Variants in DLL4 observed in about 807,000 individuals in gnomAD.
The protein encoded by DLL4 is delta-like protein 4.
In DLL4, 7 loss-of-function variants were observed where a neutral mutation model predicts 73.6. The ratio of observed to expected loss-of-function variants is 0.10; its 90% CI spans 0.05 to 0.18. The LOEUF (loss-of-function observed/expected upper bound fraction) is 0.18. Among genes scored for constraint, DLL4 ranks in the 10% least tolerant of loss-of-function variants. The probability of loss-of-function intolerance (pLI) is 1.00; values close to 1 mark genes in which losing one functional copy is unlikely to be tolerated. For missense variants in DLL4, 614 were observed against 929.9 expected, an observed-to-expected ratio of 0.66 and a Z score of 4.42; for synonymous variants, 345 against 374.3, an observed-to-expected ratio of 0.92 and a Z score of 0.90.
At chr15:40,935,802 G>A (rs549413434) in intron 8 of DLL4, among the ~76,000 whole-genome samples, 1 of 152,262 alleles carries the variant, frequency 6.6e-6, no homozygotes, top group Admixed American at 6.5e-5. Context: ...GTACTTATCC[G>A]AGCATTAACT....
rs1410836999 is a variant in DLL4, at chr15:40,932,152, C to G, written c.659-19C>G. 1 of 1,613,896 alleles carries G rather than the reference C, an allele frequency of 6.2e-7. No homozygotes were observed. Among genetic ancestry groups the G allele is most frequent in the African/African-American group, 1.3e-5 (1 of 74,940 alleles). On this transcript the variant is annotated intron_variant, in intron 4 of 10. Coordinates refer to ENST00000249749, the MANE Select transcript of DLL4 (RefSeq NM_019074.4). Reference sequence around the variant, plus strand: ...TCCTTGGTATCCCAGCCTCACCCAGCTCTGTGTTCTTCCCTTAGCTATCTG... The same window carrying G: ...TCCTTGGTATCCCAGCCTCACCCAGGTCTGTGTTCTTCCCTTAGCTATCTG...
Position 40,938,329 on chromosome 15 carries a change from C to T in DLL4, c.*295C>T, listed in dbSNP as rs557060091. 6.6e-5 allele frequency: 21 copies of T among 315,856 alleles called. No individual in the cohort carries two copies. Among genetic ancestry groups the T allele is most frequent in the Middle Eastern group, 8.5e-4 (1 of 1,178 alleles). 19.6% of individuals were successfully genotyped at this position (315,856 alleles called of 1,614,324 possible). A position where few individuals can be genotyped will look rare whatever the true frequency, so the allele number is the denominator to read the frequency against. On this transcript the variant is annotated 3_prime_UTR_variant, in exon 11 of 11. Coordinates refer to ENST00000249749, the MANE Select transcript of DLL4 (RefSeq NM_019074.4). ...AGTAGTGGCCTTCAGGGGGCTCCTTCCGGGGCTCCGGCCTGTTTTCCAGAG... is the reference window on the plus strand; with the variant it reads ...AGTAGTGGCCTTCAGGGGGCTCCTTTCGGGGCTCCGGCCTGTTTTCCAGAG...
chr15:40,929,645 G>A lies in DLL4; in HGVS notation c.-24G>A, dbSNP rs759589482. ...ACAGAGCCAGATTGAGGGCCCGCGG[G>A]TGGAGAGAGCGACGCCCGAGGGGAT... On this transcript the variant is annotated 5_prime_UTR_variant, in exon 1 of 11. In the 5' UTR this introduces an upstream ATG that the reference lacks. Transcript: ENST00000249749. This position sits in a 1 kb window ranked among gnomAD's most constrained non-coding sequence, Gnocchi z 7.1. 17 of 1,514,594 alleles carry A rather than the reference G, an allele frequency of 1.1e-5. No individual in the cohort carries two copies. Among genetic ancestry groups the A allele is most frequent in the Non-Finnish European group, 1.2e-5 (14 of 1,141,572 alleles). 93.8% of individuals were successfully genotyped at this position (1,514,594 alleles called of 1,614,324 possible). A position where few individuals can be genotyped will look rare whatever the true frequency, so the allele number is the denominator to read the frequency against.
rs373338394 is a variant in DLL4, at chr15:40,936,257, C to A, written c.1270C>A (p.Arg424Ser). The change falls in exon 9 of 11, where the codon CGC (arginine) becomes AGC (serine). Residue 424 changes from arginine to serine, a missense_variant. Physicochemically the swap from Arg to Ser is moderately radical, Grantham distance 110. Transcript: ENST00000249749. ...GGQCLNRGPS[R>S]MCRCRPGFTG... ...ACAGTGCCTGAACCGAGGTCCAAGC[C>A]GCATGTGCCGCTGCCGTCCTGGATT... 183 of 1,604,186 alleles carry A rather than the reference C, an allele frequency of 1.1e-4. No homozygotes were observed. Among genetic ancestry groups the A allele is most frequent in the Non-Finnish European group, 1.4e-4 (159 of 1,176,696 alleles).
rs1304419686 is a variant in DLL4 at position 40,930,732 on chromosome 15, A to G, written c.394+50A>G. The G allele has an allele frequency of 1.5e-5, 24 of 1,585,326 alleles. No homozygotes were observed. Among genetic ancestry groups the G allele is most frequent in the Non-Finnish European group, 2.0e-5 (23 of 1,156,200 alleles). On this transcript the variant is annotated intron_variant, in intron 3 of 10. Transcript: ENST00000249749. The surrounding 1 kb of genome is among the most constrained non-coding windows in gnomAD (Gnocchi z 5.7). ...AGGGGGGCGACACGGCGCAGCGCCG[A>G]AAGAGTTAATCTGTTCTAGGCGGGG... is the stretch of plus-strand genomic sequence containing the variant.
At chr15:40,935,824 A>T (rs770661882) in intron 8 of DLL4, among the ~76,000 whole-genome samples, 6 of 152,190 alleles carry the variant, frequency 3.9e-5, no homozygotes, top group Non-Finnish European at 7.4e-5. Flanking sequence ...TATACCAAAC[A>T]TGGGCTCTTG....
rs1892780576 is a variant in DLL4, at chr15:40,932,218, C to T, written c.706C>T (p.Pro236Ser). The change falls in exon 5 of 11, where the codon CCA becomes TCA. Residue 236 changes from proline to serine, a missense_variant. Physicochemically the swap from Pro to Ser is moderately conservative, Grantham distance 74. This residue lies in a region of DLL4 where 227 missense variants were observed against 370.8 expected (regional missense o/e 0.61). Coordinates refer to ENST00000249749, the MANE Select transcript of DLL4 (RefSeq NM_019074.4). ...TGAACAGAATGGCTACTGCAGCAAGCCAGCAGAGTGCCTGTGAGTAGGGGA... is the reference window on the plus strand; with the variant it reads ...TGAACAGAATGGCTACTGCAGCAAGTCAGCAGAGTGCCTGTGAGTAGGGGA... Reference protein sequence around the residue: ...CHEQNGYCSKPAECLCRPGWQ... With the variant: ...CHEQNGYCSKSAECLCRPGWQ... The T allele has an allele frequency of 6.2e-7, 1 of 1,613,936 alleles. No individual in the cohort carries two copies. Among genetic ancestry groups the T allele is most frequent in the Non-Finnish European group, 8.5e-7 (1 of 1,179,910 alleles).
chr15:40,931,249 A>G, intron 3 of DLL4: 1 of 549,686 alleles, frequency 1.8e-6, no homozygotes, highest in South Asian at 2.4e-5. Flanking sequence ...ACCCTGGGAT[A>G]TCTTAACATC....
rs1180510183 is a variant in DLL4 at position 40,938,118 on chromosome 15, C to T, written c.*84C>T. On this transcript the variant is annotated 3_prime_UTR_variant, in exon 11 of 11. Coordinates refer to ENST00000249749, the MANE Select transcript of DLL4 (RefSeq NM_019074.4). The stretch of plus-strand genomic sequence containing the variant: ...TGTTTACATTGCATCCTGGATGGGA[C>T]GTTTTTCATATGCAACGTGCTGCTC... 9 of 1,404,422 alleles carry T rather than the reference C, an allele frequency of 6.4e-6. No individual in the cohort carries two copies. The highest frequency in any genetic ancestry group is 1.5e-5 in the South Asian group (1 of 65,008). The allele number at this position is 1,404,422 out of a possible 1,614,324, so 87.0% of individuals were successfully genotyped here.
Position 40,934,570 on chromosome 15 carries a change from C to T in DLL4, c.873C>T (p.His291=). ...CDQDLNYCTH[H]SPCKNGATCS... is the part of the protein sequence containing the mutation. Reference sequence around the variant, plus strand: ...CAGATCTCAACTACTGCACCCACCACTCCCCATGCAAGAATGGGGCAACGT... The same window carrying T: ...CAGATCTCAACTACTGCACCCACCATTCCCCATGCAAGAATGGGGCAACGT... The change falls in exon 7 of 11, where the codon CAC becomes CAT. Residue 291 remains histidine, a synonymous_variant. Coordinates refer to ENST00000249749, the MANE Select transcript of DLL4 (RefSeq NM_019074.4). 1 of 1,613,886 alleles carries T rather than the reference C, an allele frequency of 6.2e-7. No individual in the cohort carries two copies. Among genetic ancestry groups the T allele is most frequent in the East Asian group, 2.2e-5 (1 of 44,868 alleles).
intron 10 of DLL4, among the ~76,000 whole-genome samples, chr15:40,937,797 C>A (rs2140372211): frequency 6.6e-6 from 1 of 152,274 alleles, no homozygotes; most frequent in Admixed American, 6.5e-5. Flanking sequence ...GGTGAGGGGG[C>A]CCCTCACCCC....
At chr15:40,935,140 C>G in intron 8 of DLL4, 23 bp downstream of exon 8, 1 of 1,600,358 alleles carries the variant, frequency 6.2e-7, no homozygotes, top group Admixed American at 1.7e-5. Context: ...GCCCTGCTAA[C>G]CTGGTGGACT....
Position 40,929,663 on chromosome 15 carries a change from G to C in DLL4, c.-6G>C, listed in dbSNP as rs1892735071. ...CCCGCGGGTGGAGAGAGCGACGCCC[G>C]AGGGGATGGCGGCAGCGTCCCGGAG... On this transcript the variant is annotated 5_prime_UTR_variant, in exon 1 of 11. Coordinates refer to ENST00000249749, the MANE Select transcript of DLL4 (RefSeq NM_019074.4). This position sits in a 1 kb window ranked among gnomAD's most constrained non-coding sequence, Gnocchi z 7.1. 1.3e-6 allele frequency: 2 copies of C among 1,539,708 alleles called. No homozygotes were observed. Among genetic ancestry groups the C allele is most frequent in the Non-Finnish European group, 1.7e-6 (2 of 1,153,468 alleles).
rs768740540 is a variant in DLL4, at chr15:40,930,722, C to G, written c.394+40C>G. ...CCGCCACCACAGGGGGGCGACACGG[C>G]GCAGCGCCGAAAGAGTTAATCTGTT... On this transcript the variant is annotated intron_variant, in intron 3 of 10. Transcript: ENST00000249749. The surrounding 1 kb of genome is among the most constrained non-coding windows in gnomAD (Gnocchi z 5.7). 4 of 1,597,426 alleles carry G rather than the reference C, an allele frequency of 2.5e-6. No homozygotes were observed. Among genetic ancestry groups the G allele is most frequent in the Non-Finnish European group, 3.4e-6 (4 of 1,166,168 alleles).
intron 3 of DLL4, chr15:40,931,050 G>C (rs1892762746): frequency 5.0e-6 from 2 of 397,262 alleles, no homozygotes; most frequent in Non-Finnish European, 4.5e-6. Context: ...TATTTCAGCA[G>C]CACAACAATT....
At chr15:40,937,340 C>G (rs746550973) in intron 9 of DLL4, 78 bp from the exon 10 acceptor site, 1 of 1,011,290 alleles carries the variant, frequency 9.9e-7, no homozygotes, top group Non-Finnish European at 1.6e-6. Context: ...TGCAGATGCC[C>G]TTTGGCTCTC....
Position 40,929,591 on chromosome 15 carries a change from G to A in DLL4, c.-78G>A. ...CCTCTTTTCAGGGACCCCGCCGGCT[G>A]GCGGACGCGCGGGAAAGCGGCGTCG... On this transcript the variant is annotated 5_prime_UTR_variant, in exon 1 of 11. Transcript: ENST00000249749. This position sits in a 1 kb window ranked among gnomAD's most constrained non-coding sequence, Gnocchi z 7.1. 7.4e-7 allele frequency: 1 copy of A among 1,354,568 alleles called. No homozygotes were observed. Among genetic ancestry groups the A allele is most frequent in the Non-Finnish European group, 9.8e-7 (1 of 1,025,040 alleles). The allele number at this position is 1,354,568 out of a possible 1,614,324, so 83.9% of individuals were successfully genotyped here.
intron 6 of DLL4, among the ~76,000 whole-genome samples, chr15:40,933,143 G>A (rs1274644966): frequency 1.3e-5 from 2 of 152,246 alleles, no homozygotes; most frequent in East Asian, 1.9e-4. Context: ...TCAAATGGGT[G>A]CACCTGCTGC....
At chr15:40,934,257 C>T (rs539450353) in intron 6 of DLL4, among the ~76,000 whole-genome samples, 7 of 143,868 alleles carry the variant, frequency 4.9e-5, no homozygotes, top group South Asian at 4.4e-4. Context: ...ACCCGGAAGG[C>T]GAAGGTTGTA....
Sources: allele counts gnomAD v4.1 joint callset (sites outside exome capture counted in the v4.1 genomes callset), GRCh38; gene constraint gnomAD v4.1.1; regional missense constraint gnomAD v4.1.1; non-coding constraint Gnocchi (gnomAD v3.1); transcripts MANE v1.5; gene names NCBI Gene and HGNC (gene_info 2026-07-23, HGNC 2026-07-21).